Variants in REEP1 observed in about 807,000 individuals in gnomAD.
The protein encoded by REEP1 is receptor accessory protein 1.
In REEP1, 22 loss-of-function variants were observed where a neutral mutation model predicts 40.3. The observed-to-expected ratio is 0.55, with a 90% CI of 0.39 to 0.78. The LOEUF is 0.78. Among genes scored for constraint, REEP1 ranks in the 30% least tolerant of loss-of-function variants. The pLI is 0.00. For missense variants in REEP1, 280 were observed against 361.1 expected (o/e 0.78, Z 1.82); for synonymous variants, 116 against 139.2 (o/e 0.83, Z 1.17).
At chr2:86,218,525 G>A (rs991479781) in intron 8 of REEP1, among the ~76,000 whole-genome samples, 18 of 152,220 alleles carry the variant, frequency 1.2e-4, no homozygotes, top group African/African-American at 3.6e-4. Flanking sequence ...CGGAAACAAC[G>A]GAACCCACCT....
At chr2:86,287,933 GAT>G (rs1241780250) in intron 1 of REEP1, among the ~76,000 whole-genome samples, 1 of 152,070 alleles carries the variant, frequency 6.6e-6, no homozygotes, top group African/African-American at 2.4e-5. Context: ...ATTCCACTGT[GAT>G]ATGTTTTTTC....
At chr2:86,227,868 CA>C (rs61690853) in intron 6 of REEP1, among the ~76,000 whole-genome samples, 122,009 of 152,168 alleles carry the variant, frequency 0.8, 51,392 homozygotes, top group East Asian at 0.98. Flanking sequence ...TGGGCCTTGG[CA>C]ATAGAGTAGG....
intron 1 of REEP1, among the ~76,000 whole-genome samples, chr2:86,294,723 T>TTAGATAGATAGA (rs10674625): frequency 0.025 from 3,703 of 148,952 alleles, 56 homozygotes; most frequent in South Asian, 0.03. Context: ...GATTTATATT[T>TTAGATAGATAGA]TAGATAGATA....
Position 86,254,575 on chromosome 2 carries a change from C to A in REEP1, c.303+119G>T, listed in dbSNP as rs1243724156. On this transcript the variant is annotated intron_variant, in intron 4 of 8. Coordinates refer to ENST00000538924, the MANE Select transcript of REEP1 (RefSeq NM_001371279.1). ...TAAAAAAAACGATTAGGAGGAATGA[C>A]TTGCTGGAGGCAAATGAGAGCCAAA... is the stretch of plus-strand genomic sequence containing the variant. The A allele has an allele frequency of 2.8e-6, 3 of 1,075,372 alleles. No homozygotes were observed. The Admixed American group carries it at 5.6e-5, about 20-fold the overall frequency. 66.6% of individuals were successfully genotyped at this position (1,075,372 alleles called of 1,614,324 possible).
intron 7 of REEP1, among the ~76,000 whole-genome samples, chr2:86,223,042 C>T (rs1397922767): frequency 3.3e-5 from 5 of 152,214 alleles, no homozygotes; most frequent in Non-Finnish European, 4.4e-5. Context: ...GAGGGTCTCC[C>T]GCCCAAGGTC....
At chr2:86,237,144 G>A (rs1675405559) in intron 5 of REEP1, among the ~76,000 whole-genome samples, 2 of 152,196 alleles carry the variant, frequency 1.3e-5, no homozygotes, top group Admixed American at 1.3e-4. Flanking sequence ...ATACTTGGTT[G>A]TTATTCTCCC....
Position 86,220,475 on chromosome 2 carries a change from C to T in REEP1, c.632-354G>A, listed in dbSNP as rs113745695. ...ACACATCAATCCCTGCAGCTCAGTCCTGTGATCCCACACCAGGTGAATGCT... is the reference window on the plus strand; with the variant it reads ...ACACATCAATCCCTGCAGCTCAGTCTTGTGATCCCACACCAGGTGAATGCT... On this transcript the variant is annotated intron_variant, in intron 7 of 8. Transcript: ENST00000538924. Among the ~76,000 whole-genome samples the T allele has an allele frequency of 9.7e-3, 1,477 of 152,292 alleles. 30 individuals carry two copies. Among genetic ancestry groups the T allele is most frequent in the African/African-American group, 0.034 (1,393 of 41,562 alleles).
intron 1 of REEP1, among the ~76,000 whole-genome samples, chr2:86,297,053 C>A (rs1354717955): frequency 1.3e-5 from 2 of 152,218 alleles, no homozygotes; most frequent in African/African-American, 4.8e-5. Flanking sequence ...GTCAGGCATG[C>A]AGACCCAGAG....
At chr2:86,236,315 C>T (rs1372015230) in intron 5 of REEP1, among the ~76,000 whole-genome samples, 1 of 152,148 alleles carries the variant, frequency 6.6e-6, no homozygotes, top group Non-Finnish European at 1.5e-5. Flanking sequence ...TTCCACAAAC[C>T]CCATTCCACA....
Position 86,337,497 on chromosome 2 carries a change from A to G in REEP1, c.14T>C (p.Ile5Thr). The G allele has an allele frequency of 2.3e-6, 3 of 1,299,172 alleles. No homozygotes were observed. The highest frequency in any genetic ancestry group is 2.0e-6 in the Non-Finnish European group (2 of 1,015,908). The allele number at this position is 1,299,172 out of a possible 1,614,324, so 80.5% of individuals were successfully genotyped here. The change falls in exon 1 of 9, where the codon ATC becomes ACC. Residue 5 changes from isoleucine to threonine, a missense_variant. This residue lies in a region of REEP1 where 68 missense variants were observed against 83.7 expected (regional missense o/e 0.81). Coordinates refer to ENST00000538924, the MANE Select transcript of REEP1 (RefSeq NM_001371279.1). This position sits in a 1 kb window ranked among gnomAD's most constrained non-coding sequence, Gnocchi z 5.8. MVSWIISRLVVLIFG... is the reference protein window; with the variant it reads MVSWTISRLVVLIFG... ...CACTTACACCACCAGCCTGGAGATG[A>G]TCCATGACACCATGGCGGGCAGGCG... is the stretch of plus-strand genomic sequence containing the variant.
At chr2:86,295,697 G>C (rs775620211) in intron 1 of REEP1, among the ~76,000 whole-genome samples, 1 of 151,978 alleles carries the variant, frequency 6.6e-6, no homozygotes, top group Admixed American at 6.6e-5. Flanking sequence ...CCACCACCAC[G>C]CCCAGCTAAT....
chr2:86,320,611 T>G (rs1356879433), intron 1 of REEP1, among the ~76,000 whole-genome samples: 1 of 152,134 alleles, frequency 6.6e-6, no homozygotes, highest in East Asian at 1.9e-4. Flanking sequence ...TTTAAAGGAA[T>G]AAAAAGGAAT....
At chr2:86,310,707 T>TTCTC (rs144739472) in intron 1 of REEP1, among the ~76,000 whole-genome samples, 15,493 of 149,732 alleles carry the variant, frequency 0.1, 1,475 homozygotes, top group African/African-American at 0.25. Flanking sequence ...CTCCTCCCCT[T>TTCTC]TCTCTCTCTC....
intron 2 of REEP1, among the ~76,000 whole-genome samples, chr2:86,266,105 T>C (rs1467236639): frequency 6.6e-6 from 1 of 152,192 alleles, no homozygotes; most frequent in Non-Finnish European, 1.5e-5. Context: ...ACTTCGATAT[T>C]AGAATTAGCA....
intron 3 of REEP1, among the ~76,000 whole-genome samples, chr2:86,258,917 A>C (rs1676709023): frequency 6.6e-6 from 1 of 152,192 alleles, no homozygotes; most frequent in African/African-American, 2.4e-5. Context: ...ATGTGTTCTA[A>C]GAGGGTTAGA....
At chr2:86,307,061 C>T (rs909764702) in intron 1 of REEP1, among the ~76,000 whole-genome samples, 2 of 151,872 alleles carry the variant, frequency 1.3e-5, no homozygotes, top group African/African-American at 2.4e-5. Context: ...AAAAATTAGC[C>T]GGGCATGGTG....
chr2:86,263,885 G>T, intron 3 of REEP1, 80 bp downstream of exon 3: 2 of 1,041,062 alleles, frequency 1.9e-6, no homozygotes, highest in South Asian at 2.5e-5. Context: ...TTGAGGCTGG[G>T]TTCAGCCCTT....
At chr2:86,321,028 G>T (rs1255064209) in intron 1 of REEP1, among the ~76,000 whole-genome samples, 1 of 152,160 alleles carries the variant, frequency 6.6e-6, no homozygotes, top group Non-Finnish European at 1.5e-5. Context: ...TGTTGACCAG[G>T]CTGGTCTTGA....
intron 6 of REEP1, among the ~76,000 whole-genome samples, chr2:86,231,162 G>A (rs1349563773): frequency 1.3e-5 from 2 of 152,128 alleles, no homozygotes; most frequent in Non-Finnish European, 1.5e-5. Context: ...CTCTTCACCA[G>A]TAAAATCACT....
Sources: gnomAD v4.1 joint callset for allele counts (sites outside exome capture counted in the v4.1 genomes callset) on GRCh38, gnomAD v4.1.1 for gene constraint, gnomAD v4.1.1 regional missense constraint, Gnocchi (gnomAD v3.1) non-coding constraint, MANE v1.5 for transcripts, NCBI Gene and HGNC (gene_info 2026-07-23, HGNC 2026-07-21) for gene names.